The following PROCR variants were observed in gnomAD, a reference collection of about 807,000 sequenced individuals.
PROCR encodes the protein endothelial protein C receptor.
PROCR carries 22 observed loss-of-function variants against 24.2 expected under a neutral mutation model. That is an observed-to-expected ratio of 0.91 (90% CI 0.65 to 1.30). PROCR has a LOEUF of 1.30. PROCR is among the 50% of genes most tolerant of loss of function. The pLI is 0.00. For missense variants in PROCR, 288 were observed against 307.7 expected, an observed-to-expected ratio of 0.94 and a Z score of 0.48; for synonymous variants, 137 against 139.2, an observed-to-expected ratio of 0.98 and a Z score of 0.11.
chr20:35,207,611 C>A (rs559152854), intron 1 of PROCR, among the ~76,000 whole-genome samples: 2 of 152,100 alleles, frequency 1.3e-5, no homozygotes, highest in Admixed American at 1.3e-4. Context: ...CTCACTGCAA[C>A]CTCTGCCTCC....
At chr20:35,181,586 T>A (rs2086079847), downstream of PROCR, among the ~76,000 whole-genome samples, 1 of 152,236 alleles carries the variant, frequency 6.6e-6, no homozygotes, top group East Asian at 1.9e-4. Flanking sequence ...CAAATTTTAT[T>A]TTCTACCATT....
chr20:35,212,181 T>TAAGAGG (rs1462085249), intron 1 of PROCR, among the ~76,000 whole-genome samples: 1 of 152,152 alleles, frequency 6.6e-6, no homozygotes, highest in Non-Finnish European at 1.5e-5. Flanking sequence ...ACATTAGAGT[T>TAAGAGG]ATTTATTGGC....
chr20:35,202,773 T>C (rs1250788991), intron 1 of PROCR: 1 of 152,170 alleles, frequency 6.6e-6, no homozygotes, highest in Non-Finnish European at 1.5e-5. Context: ...AATAACTCTG[T>C]TCTCAATAAC....
intron 1 of PROCR, among the ~76,000 whole-genome samples, chr20:35,172,452 A>C (rs550874414): frequency 6.6e-6 from 1 of 152,296 alleles, no homozygotes; most frequent in African/African-American, 2.4e-5. Flanking sequence ...GGCTAGGGGA[A>C]ACAGGATGAC....
At chr20:35,199,536 G>T (rs2060311159) in intron 1 of PROCR, among the ~76,000 whole-genome samples, 1 of 152,152 alleles carries the variant, frequency 6.6e-6, no homozygotes, top group African/African-American at 2.4e-5. Flanking sequence ...GGATCACAGG[G>T]TCGGGAGTTC....
At chr20:35,207,364 T>C (rs1232797581) in intron 1 of PROCR, among the ~76,000 whole-genome samples, 4 of 149,276 alleles carry the variant, frequency 2.7e-5, no homozygotes, top group African/African-American at 9.8e-5. Flanking sequence ...AAATTATATG[T>C]ATGCAAATCT....
At chr20:35,210,502 G>A (rs2060358305) in intron 1 of PROCR, among the ~76,000 whole-genome samples, 1 of 151,136 alleles carries the variant, frequency 6.6e-6, no homozygotes, top group Non-Finnish European at 1.5e-5. Context: ...AGCTACGGTT[G>A]CGCCACTGCA....
chr20:35,189,317 T>C (rs1327514453), intron 1 of PROCR, among the ~76,000 whole-genome samples: 3 of 152,062 alleles, frequency 2.0e-5, no homozygotes, highest in East Asian at 3.8e-4. Flanking sequence ...CCTTATGCAG[T>C]TACAGATAAG....
downstream of PROCR, among the ~76,000 whole-genome samples, chr20:35,180,325 T>A (rs1311725109): frequency 6.6e-6 from 1 of 152,152 alleles, no homozygotes; most frequent in Non-Finnish European, 1.5e-5. Context: ...GCAGATAGCT[T>A]CCGCTTGCTT....
chr20:35,208,006 G>C (rs2060348671), intron 1 of PROCR, among the ~76,000 whole-genome samples: 1 of 152,218 alleles, frequency 6.6e-6, no homozygotes, highest in African/African-American at 2.4e-5. Flanking sequence ...ACTTTAGTGA[G>C]AATCCATTTA....
intron 1 of PROCR, among the ~76,000 whole-genome samples, chr20:35,197,524 A>C (rs1298264618): frequency 6.6e-6 from 1 of 152,132 alleles, no homozygotes; most frequent in Non-Finnish European, 1.5e-5. Context: ...TAAATGTTCA[A>C]GTGAAAAGAA....
At chr20:35,188,809 G>T (rs6060293) in intron 1 of PROCR, among the ~76,000 whole-genome samples, 150,746 of 152,322 alleles carry the variant, frequency 0.99, 74,606 homozygotes, top group East Asian at 1. Flanking sequence ...AATACCCTTG[G>T]GTTGTGGGAA....
intron 1 of PROCR, among the ~76,000 whole-genome samples, chr20:35,173,915 C>A (rs1387682360): frequency 1.3e-5 from 2 of 152,162 alleles, no homozygotes; most frequent in African/African-American, 2.4e-5. Context: ...CCTTGAATGC[C>A]AGGCTAAAGA....
chr20:35,188,934 C>T (rs1000032424), intron 1 of PROCR, among the ~76,000 whole-genome samples: 1 of 152,192 alleles, frequency 6.6e-6, no homozygotes, highest in African/African-American at 2.4e-5. Context: ...TTTCCTATGC[C>T]TGTCTTTACT....
chr20:35,194,464 G>A (rs544573217), intron 1 of PROCR, among the ~76,000 whole-genome samples: 1 of 152,216 alleles, frequency 6.6e-6, no homozygotes, highest in African/African-American at 2.4e-5. Flanking sequence ...GCAGTGGCTG[G>A]AGTGATGTCC....
chr20:35,212,258 C>T (rs1362748812), intron 1 of PROCR, among the ~76,000 whole-genome samples: 1 of 152,176 alleles, frequency 6.6e-6, no homozygotes, highest in South Asian at 2.1e-4. Context: ...GAGGATGCAG[C>T]ATGTCACATG....
chr20:35,203,385 G>A (rs1443675357), intron 1 of PROCR: 1 of 152,114 alleles, frequency 6.6e-6, no homozygotes, highest in Non-Finnish European at 1.5e-5. Context: ...AATGTTATTA[G>A]ACATAATGTT....
At chr20:35,174,981 T>C (rs1371050960) in intron 2 of PROCR, 28 bp downstream of exon 2, 11 of 678,790 alleles carry the variant, frequency 1.6e-5, no homozygotes, top group African/African-American at 2.4e-5. Flanking sequence ...GGGGGCGGGG[T>C]CTGGGCGGGG....
At chr20:35,196,734 A>G (rs923268324) in intron 1 of PROCR, among the ~76,000 whole-genome samples, 1 of 152,258 alleles carries the variant, frequency 6.6e-6, no homozygotes, top group African/African-American at 2.4e-5. Context: ...ATAGAAGCCA[A>G]AGTGAAATAA....
Sources: gnomAD v4.1 joint callset for allele counts (sites outside exome capture counted in the v4.1 genomes callset) on GRCh38, gnomAD v4.1.1 for gene constraint, MANE v1.5 for transcripts, NCBI Gene and HGNC (gene_info 2026-07-23, HGNC 2026-07-21) for gene names.